The following STK35 variants were observed in gnomAD, a reference collection of about 807,000 sequenced individuals.
STK35 encodes serine/threonine kinase 35.
STK35 carries 17 observed loss-of-function variants against 37.3 expected under a neutral mutation model. The observed-to-expected ratio is 0.46, with a 90% confidence interval of 0.31 to 0.68. The LOEUF (loss-of-function observed/expected upper bound fraction) is 0.68. Ranked by LOEUF, STK35 falls within the 30% of genes least tolerant of loss-of-function variation. The probability of loss-of-function intolerance (pLI) is 0.05; values close to 1 mark genes in which losing one functional copy is unlikely to be tolerated. For missense variants in STK35, 595 were observed against 746.7 expected (o/e 0.80, Z 2.37); for synonymous variants, 385 against 319.1 (o/e 1.21, Z -2.20).
At chr20:2,102,701 C>G (rs1484190882) in intron 1 of STK35, 67 bp from the exon 2 acceptor site, 50 of 1,295,388 alleles carry the variant, frequency 3.9e-5, no homozygotes, top group Non-Finnish European at 4.8e-5. Flanking sequence ...AGGTGGGACG[C>G]CCCGCGGCCT....
intron 2 of STK35, among the ~76,000 whole-genome samples, chr20:2,111,721 A>G (rs1259198965): frequency 6.6e-6 from 1 of 152,204 alleles, no homozygotes; most frequent in East Asian, 1.9e-4. Flanking sequence ...AATAAAATGT[A>G]TTAAGAACTT....
chr20:2,111,107 C>T (rs1985608956), intron 2 of STK35, among the ~76,000 whole-genome samples: 2 of 152,192 alleles, frequency 1.3e-5, no homozygotes, highest in African/African-American at 4.8e-5. Flanking sequence ...ACTTCTAAGA[C>T]CTTTCACATC....
chr20:2,124,799 T>A (rs934070199), intron 3 of STK35, among the ~76,000 whole-genome samples: 7 of 152,194 alleles, frequency 4.6e-5, no homozygotes, highest in African/African-American at 1.7e-4. Flanking sequence ...CCTTGGGGCC[T>A]CATCTCTCTG....
chr20:2,135,329 G>A (rs955033036), intron 3 of STK35, among the ~76,000 whole-genome samples: 2 of 152,186 alleles, frequency 1.3e-5, no homozygotes, highest in Non-Finnish European at 2.9e-5. Flanking sequence ...GCTAGGTAAA[G>A]GGTGGACCCC....
Position 2,104,477 on chromosome 20 carries a change from C to G in STK35, c.892+1112C>G, listed in dbSNP as rs6035606. Among the ~76,000 whole-genome samples the G allele has an allele frequency of 2.0e-3, 311 of 152,298 alleles. 1 individual carries two copies. The highest frequency in any genetic ancestry group is 6.7e-3 in the African/African-American group (278 of 41,572). On this transcript the variant is annotated intron_variant, in intron 2 of 3. Coordinates refer to ENST00000381482, the MANE Select transcript of STK35 (RefSeq NM_080836.4). ...CTTGAAAGGGAAGTTAGACTGTACTCCTGGTTTCCTTACATTTCTCAGAGC... is the reference window on the plus strand; with the variant it reads ...CTTGAAAGGGAAGTTAGACTGTACTGCTGGTTTCCTTACATTTCTCAGAGC...
intron 2 of STK35, among the ~76,000 whole-genome samples, chr20:2,104,233 C>T (rs1394267972): frequency 6.6e-6 from 1 of 152,080 alleles, no homozygotes; most frequent in East Asian, 1.9e-4. Flanking sequence ...CTACCAGTAG[C>T]TAAGTGTCTG....
intron 3 of STK35, among the ~76,000 whole-genome samples, chr20:2,137,571 G>A (rs185886257): frequency 1.0e-3 from 154 of 152,226 alleles, no homozygotes; most frequent in African/African-American, 3.0e-3. Context: ...CATTTTGCCC[G>A]TTCTGTATAC....
chr20:2,131,295 G>T (rs1985995269), intron 3 of STK35, among the ~76,000 whole-genome samples: 1 of 152,078 alleles, frequency 6.6e-6, no homozygotes, highest in Non-Finnish European at 1.5e-5. Flanking sequence ...ACATAGAAAA[G>T]GTACAGTGAA....
chr20:2,112,755 A>G (rs1303168605), intron 2 of STK35, among the ~76,000 whole-genome samples: 2 of 152,216 alleles, frequency 1.3e-5, no homozygotes. Context: ...TCAAATCCTT[A>G]CTATCTCCAA....
chr20:2,120,974 C>G (rs965933425), intron 3 of STK35, among the ~76,000 whole-genome samples: 1 of 151,936 alleles, frequency 6.6e-6, no homozygotes, highest in Non-Finnish European at 1.5e-5. Context: ...GACCTTTGAG[C>G]GAATGTTAGA....
At chr20:2,113,306 C>A (rs1017872177) in intron 2 of STK35, among the ~76,000 whole-genome samples, 1 of 152,110 alleles carries the variant, frequency 6.6e-6, no homozygotes, top group East Asian at 1.9e-4. Context: ...AGAGTTAAGC[C>A]ATAGATTGCT....
Position 2,117,563 on chromosome 20 carries a change from G to A in STK35, c.*37+148G>A, listed in dbSNP as rs1195409464. On this transcript the variant is annotated intron_variant, in intron 3 of 3. Coordinates refer to ENST00000381482, the MANE Select transcript of STK35 (RefSeq NM_080836.4). The surrounding 1 kb of genome is among the most constrained non-coding windows in gnomAD (Gnocchi z 4.4). ...GAGTTCAAGTGATTCTCGTGCCTCA[G>A]CCACCTGGGTAGCTGGGATTACAGG... is the stretch of plus-strand genomic sequence containing the variant. The A allele has an allele frequency of 1.7e-5, 9 of 533,894 alleles. No individual in the cohort carries two copies. Among genetic ancestry groups the A allele is most frequent in the Non-Finnish European group, 2.6e-5 (8 of 306,044 alleles). 33.1% of individuals were successfully genotyped at this position (533,894 alleles called of 1,614,324 possible).
intron 3 of STK35, among the ~76,000 whole-genome samples, chr20:2,121,935 T>C (rs148143847): frequency 6.3e-4 from 96 of 152,308 alleles, no homozygotes; most frequent in African/African-American, 2.3e-3. Context: ...AATAGACCAG[T>C]AGTTGTCAAA....
At chr20:2,108,386 T>G (rs1360701107) in intron 2 of STK35, among the ~76,000 whole-genome samples, 1 of 152,034 alleles carries the variant, frequency 6.6e-6, no homozygotes, top group Non-Finnish European at 1.5e-5. Context: ...GGCGGGCGCC[T>G]GTAATCCCAG....
rs1986304427 is a variant in STK35, at chr20:2,148,109, G to A, written c.*4363G>A. The A allele has an allele frequency of 6.6e-6, 1 of 151,826 alleles. No homozygotes were observed. Among genetic ancestry groups the A allele is most frequent in the Non-Finnish European group, 1.5e-5 (1 of 68,028 alleles). The allele number at this position is 151,826 out of a possible 1,614,324, so 9.4% of individuals were successfully genotyped here. ...GGTTATAGACGGTATCAGCAGGGAG[G>A]CCGTCCCGCTGGTTTTCTAGGAGAG... On this transcript the variant is annotated 3_prime_UTR_variant, in exon 4 of 4. Transcript: ENST00000381482.
chr20:2,102,670 CGCG>C, intron 1 of STK35, 95 bp from the exon 2 acceptor site: 1 of 1,179,250 alleles, frequency 8.5e-7, no homozygotes, highest in South Asian at 2.1e-5. Flanking sequence ...TTAAAGGGGC[CGCG>C]GCGGCCGGGG....
At position 2,103,116 on chromosome 20, in the gene STK35, G is replaced by T; in HGVS notation, c.643G>T (p.Val215Leu). 1 of 1,602,936 alleles carries T rather than the reference G, an allele frequency of 6.2e-7. No individual in the cohort carries two copies. Among genetic ancestry groups the T allele is most frequent in the East Asian group, 2.2e-5 (1 of 44,728 alleles). ...LAEIGRGSYG[V>L]VYEAVAGRSG... ...GGAGATCGGGCGCGGCAGCTACGGC[G>T]TGGTTTATGAGGCAGTGGCCGGGCG... The change falls in exon 2 of 4, where the codon GTG (valine) becomes TTG (leucine). Residue 215 changes from valine to leucine, a missense_variant. By Grantham distance (32) the Val-to-Leu change is conservative. Around this residue, in one of 3 missense-constraint regions of STK35, gnomAD observed 97 missense variants for 146.4 expected, o/e 0.66. Transcript: ENST00000381482.
chr20:2,125,028 A>C (rs1365081824), intron 3 of STK35, among the ~76,000 whole-genome samples: 2 of 152,052 alleles, frequency 1.3e-5, no homozygotes, highest in African/African-American at 2.4e-5. Context: ...GAAAGCATCC[A>C]TGAGGGGACA....
intron 3 of STK35, among the ~76,000 whole-genome samples, chr20:2,134,965 G>A (rs1269961193): frequency 2.6e-5 from 4 of 152,178 alleles, no homozygotes; most frequent in Non-Finnish European, 5.9e-5. Context: ...CAGAACCTGT[G>A]CATCCTTGGG....
Sources: gnomAD v4.1 joint callset for allele counts (sites outside exome capture counted in the v4.1 genomes callset) on GRCh38, gnomAD v4.1.1 for gene constraint, gnomAD v4.1.1 regional missense constraint, Gnocchi (gnomAD v3.1) non-coding constraint, MANE v1.5 for transcripts, NCBI Gene and HGNC (gene_info 2026-07-23, HGNC 2026-07-21) for gene names.